Variants in MLIP observed in about 807,000 individuals in gnomAD.
MLIP encodes muscular LMNA interacting protein, also known as muscular LMNA-interacting protein.
A neutral mutation model predicts 84.8 loss-of-function variants in MLIP; 79 were observed. The observed-to-expected ratio is 0.93, with a 90% CI of 0.78 to 1.12. The LOEUF (loss-of-function observed/expected upper bound fraction) is 1.12. Ranked by LOEUF, MLIP falls within the 50% of genes most tolerant of loss-of-function variation. The pLI, the probability that MLIP is intolerant of heterozygous loss-of-function variation, is 0.00. For synonymous variants in MLIP, 504 were observed against 463.0 expected (o/e 1.09, Z -1.14); for missense variants, 1,257 against 1,160.6 (o/e 1.08, Z -1.21).
intron 13 of MLIP, 54 bp downstream of exon 13, chr6:54,257,415 A>T (rs927732021): frequency 4.6e-6 from 6 of 1,315,486 alleles, no homozygotes; most frequent in Admixed American, 4.1e-5. Context: ...GTGATTATAG[A>T]AATAAACCAA....
At chr6:54,255,392 T>C (rs957565425) in intron 12 of MLIP, among the ~76,000 whole-genome samples, 3 of 152,186 alleles carry the variant, frequency 2.0e-5, no homozygotes, top group African/African-American at 7.2e-5. Context: ...AACAAACCCA[T>C]ATAAAGAATT....
At chr6:54,205,662 A>G (rs1345011012) in intron 11 of MLIP, among the ~76,000 whole-genome samples, 2 of 152,208 alleles carry the variant, frequency 1.3e-5, no homozygotes, top group Non-Finnish European at 2.9e-5. Context: ...GCTGAGTTCT[A>G]ACAGCCAAGT....
chr6:54,153,851 C>A (rs865913495), intron 5 of MLIP, among the ~76,000 whole-genome samples: 451 of 117,666 alleles, frequency 3.8e-3, no homozygotes, highest in South Asian at 5.0e-3. Context: ...GACTCAGTCT[C>A]AAAAAAAAAA....
At chr6:54,193,683 G>T (rs758067107) in intron 10 of MLIP, among the ~76,000 whole-genome samples, 1 of 152,140 alleles carries the variant, frequency 6.6e-6, no homozygotes, top group Non-Finnish European at 1.5e-5. Context: ...GAAAATGTGA[G>T]TACTTACCTA....
intron 11 of MLIP, among the ~76,000 whole-genome samples, chr6:54,220,760 T>A (rs1190063461): frequency 6.6e-6 from 1 of 152,054 alleles, no homozygotes; most frequent in Non-Finnish European, 1.5e-5. Flanking sequence ...GAAAAACAAA[T>A]AATAAAAAAT....
At chr6:54,213,131 G>T (rs961120291) in intron 11 of MLIP, among the ~76,000 whole-genome samples, 2 of 152,042 alleles carry the variant, frequency 1.3e-5, no homozygotes, top group African/African-American at 2.4e-5. Flanking sequence ...TAAACTTTGG[G>T]GATAACTTTT....
At chr6:54,030,241 A>T (rs554364199) in intron 1 of MLIP, among the ~76,000 whole-genome samples, 7 of 152,348 alleles carry the variant, frequency 4.6e-5, no homozygotes, top group African/African-American at 7.2e-5. Context: ...GATCCTGCCT[A>T]TTCTGAAAGA....
chr6:54,198,980 C>T (rs1274676221), intron 10 of MLIP, among the ~76,000 whole-genome samples: 2 of 151,876 alleles, frequency 1.3e-5, no homozygotes, highest in Non-Finnish European at 2.9e-5. Context: ...CATTAGATAA[C>T]ATTAGGTCCT....
intron 12 of MLIP, among the ~76,000 whole-genome samples, chr6:54,246,617 C>T (rs563114403): frequency 6.6e-6 from 1 of 152,150 alleles, no homozygotes; most frequent in African/African-American, 2.4e-5. Context: ...GCTACATAAC[C>T]TTAATTCTAC....
At chr6:54,163,481 G>A (rs987030285) in intron 8 of MLIP, among the ~76,000 whole-genome samples, 1 of 151,480 alleles carries the variant, frequency 6.6e-6, no homozygotes. Context: ...ATATTTACTA[G>A]TTTGAACATT....
chr6:54,243,633 T>A (rs762630805), intron 12 of MLIP, among the ~76,000 whole-genome samples: 14 of 152,166 alleles, frequency 9.2e-5, no homozygotes, highest in Non-Finnish European at 1.8e-4. Context: ...TCAGAAAGTA[T>A]ATATAATTTG....
At chr6:54,148,016 C>A (rs926838613) in intron 4 of MLIP, among the ~76,000 whole-genome samples, 3 of 152,144 alleles carry the variant, frequency 2.0e-5, no homozygotes, top group Non-Finnish European at 4.4e-5. Flanking sequence ...AATGTGCTAG[C>A]CTCTTACCTT....
At chr6:54,246,507 G>A (rs955341953) in intron 12 of MLIP, among the ~76,000 whole-genome samples, 5 of 151,862 alleles carry the variant, frequency 3.3e-5, no homozygotes, top group Non-Finnish European at 7.4e-5. Flanking sequence ...TTTCAAATTT[G>A]TATGACTTTT....
intron 11 of MLIP, among the ~76,000 whole-genome samples, chr6:54,229,211 C>T (rs1003257265): frequency 1.6e-4 from 25 of 152,084 alleles, no homozygotes; most frequent in African/African-American, 5.5e-4. Context: ...ACAATCAGTA[C>T]GATAATTCAG....
chr6:54,153,684 C>G (rs1384087782), intron 5 of MLIP, among the ~76,000 whole-genome samples: 2 of 151,654 alleles, frequency 1.3e-5, no homozygotes, highest in African/African-American at 4.8e-5. Flanking sequence ...CCTGTTTCTA[C>G]TGATAATACA....
chr6:54,144,492 AC>A (rs1215316919), intron 4 of MLIP, among the ~76,000 whole-genome samples: 10 of 152,166 alleles, frequency 6.6e-5, no homozygotes, highest in Admixed American at 6.5e-4. Flanking sequence ...TTGGGATGAA[AC>A]TGTTCCACCT....
At chr6:54,201,523 G>C (rs1454104483) in intron 10 of MLIP, among the ~76,000 whole-genome samples, 1 of 152,018 alleles carries the variant, frequency 6.6e-6, no homozygotes. Flanking sequence ...TTTAATTTCA[G>C]TCTCCCACAG....
intron 12 of MLIP, among the ~76,000 whole-genome samples, chr6:54,232,182 T>A (rs1435448639): frequency 1.3e-5 from 2 of 152,124 alleles, no homozygotes; most frequent in African/African-American, 2.4e-5. Context: ...AGCCATGAAA[T>A]ACATTTAGTT....
intron 4 of MLIP, among the ~76,000 whole-genome samples, chr6:54,143,460 C>T (rs1307810983): frequency 1.3e-5 from 2 of 152,026 alleles, no homozygotes; most frequent in Non-Finnish European, 2.9e-5. Flanking sequence ...CCTGCCTTGG[C>T]CCCCCAAACT....
Sources: allele counts gnomAD v4.1 joint callset (sites outside exome capture counted in the v4.1 genomes callset), GRCh38; gene constraint gnomAD v4.1.1; transcripts MANE v1.5; gene names NCBI Gene and HGNC (gene_info 2026-07-23, HGNC 2026-07-21).